ABI3BP: variants seen among roughly 807,000 people sequenced by gnomAD.
ABI3BP encodes the protein target of Nesh-SH3.
A neutral mutation model predicts 268.6 loss-of-function variants in ABI3BP; 216 were observed. The observed-to-expected ratio is 0.80, with a 90% CI of 0.72 to 0.90. The LOEUF (loss-of-function observed/expected upper bound fraction) is 0.90, where lower values mean the gene tolerates loss of function less well. Among genes scored for constraint, ABI3BP ranks in the 40% least tolerant of loss-of-function variants. The probability of loss-of-function intolerance (pLI) is 0.00; values close to 1 mark genes in which losing one functional copy is unlikely to be tolerated. For synonymous variants in ABI3BP, 730 were observed against 730.0 expected (o/e 1.00, Z 0.00); for missense variants, 2,090 against 2,182.4 (o/e 0.96, Z 0.84).
intron 1 of ABI3BP, among the ~76,000 whole-genome samples, chr3:100,941,368 T>C (rs1263689222): frequency 6.6e-6 from 1 of 152,060 alleles, no homozygotes; most frequent in Admixed American, 6.6e-5. Flanking sequence ...GCAATACCCA[T>C]AGATCCATAA....
chr3:100,887,021 T>G (rs2042294752), intron 4 of ABI3BP, among the ~76,000 whole-genome samples: 1 of 152,038 alleles, frequency 6.6e-6, no homozygotes, highest in Non-Finnish European at 1.5e-5. Flanking sequence ...TTACATATAT[T>G]ACCTGGTTTA....
chr3:100,824,594 G>C (rs2098330080), intron 36 of ABI3BP, among the ~76,000 whole-genome samples: 1 of 152,166 alleles, frequency 6.6e-6, no homozygotes, highest in Non-Finnish European at 1.5e-5. Context: ...GATGTGAATG[G>C]AATTTGACAG....
intron 1 of ABI3BP, among the ~76,000 whole-genome samples, chr3:100,954,040 G>A (rs1190607185): frequency 1.3e-5 from 2 of 152,094 alleles, no homozygotes; most frequent in South Asian, 2.1e-4. Context: ...ACACTAGTAC[G>A]TGTAACAAAG....
In ABI3BP at chr3:100,795,850, A is replaced by G; in HGVS notation, c.3819T>C (p.Val1273=). 1.6e-6 allele frequency: 2 copies of G among 1,286,604 alleles called. No individual in the cohort carries two copies. The highest frequency in any genetic ancestry group is 1.2e-5 in the South Asian group (1 of 80,508). The allele number at this position is 1,286,604 out of a possible 1,614,324, so 79.7% of individuals were successfully genotyped here. The part of the protein sequence containing the change: ...PYPEVSQSEP[V]LQPVTFRFEP... ...CAAATCTAAAGGTAACAGGCTGCAG[A>G]ACTATGCCAAAAGCAAGCCAAAGGA... is the stretch of plus-strand genomic sequence containing the variant. Residue 1273 remains valine, a splice_region_variant and synonymous_variant, in exon 53 of 68, where the codon GTT becomes GTC. Transcript: ENST00000471714.
intron 20 of ABI3BP, among the ~76,000 whole-genome samples, chr3:100,844,893 T>C (rs993153941): frequency 6.6e-6 from 1 of 152,310 alleles, no homozygotes; most frequent in Non-Finnish European, 1.5e-5. Context: ...AAGAAGTCTT[T>C]TTGCTCAAAC....
At chr3:100,806,337 C>A (rs73152444) in intron 50 of ABI3BP, among the ~76,000 whole-genome samples, 21,030 of 152,066 alleles carry the variant, frequency 0.14, 1,889 homozygotes, top group South Asian at 0.27. Context: ...ACAGGACACT[C>A]TCCTGTCCAA....
At chr3:100,805,533 T>C (rs1290017080) in intron 50 of ABI3BP, among the ~76,000 whole-genome samples, 3 of 152,106 alleles carry the variant, frequency 2.0e-5, no homozygotes, top group Non-Finnish European at 2.9e-5. Flanking sequence ...CAAAAATGCC[T>C]TTATAAAGTT....
Position 100,898,850 on chromosome 3 carries a change from G to C in ABI3BP, c.373C>G (p.Leu125Val). The C allele has an allele frequency of 6.2e-7, 1 of 1,613,544 alleles. No homozygotes were observed. Among genetic ancestry groups the C allele is most frequent in the Non-Finnish European group, 8.5e-7 (1 of 1,179,726 alleles). The change falls in exon 4 of 68, where the codon CTG becomes GTG. Residue 125 changes from leucine (L) to valine (V), a missense_variant. Leu to Val is a conservative substitution (Grantham distance 32). Coordinates refer to ENST00000471714, the MANE Select transcript of ABI3BP (RefSeq NM_001375547.2). ...GACAGGAAGACCGAGCTCGGTGTCAGAGTGCCAACCACCAGCTGCAGAGGT... is the reference window on the plus strand; with the variant it reads ...GACAGGAAGACCGAGCTCGGTGTCACAGTGCCAACCACCAGCTGCAGAGGT... ...RKPLQLVVGT[L>V]TPSSVFLSWG...
At chr3:100,843,750 A>G (rs2098736663) in intron 20 of ABI3BP, 48 of 981,934 alleles carry the variant, frequency 4.9e-5, no homozygotes, top group Non-Finnish European at 5.7e-5. Context: ...TACAATAAAT[A>G]TCAAATAAGC....
intron 16 of ABI3BP, among the ~76,000 whole-genome samples, chr3:100,850,401 C>T (rs62277064): frequency 0.034 from 5,129 of 152,160 alleles, 78 homozygotes; most frequent in Non-Finnish European, 0.046. Flanking sequence ...CAGGTGATGA[C>T]GTCCATGCAG....
intron 14 of ABI3BP, among the ~76,000 whole-genome samples, chr3:100,858,106 A>G (rs1240563912): frequency 6.6e-6 from 1 of 152,236 alleles, no homozygotes; most frequent in Admixed American, 6.5e-5. Context: ...TGTCACAAGC[A>G]GTTAAGTTCT....
At chr3:100,756,844 A>C (rs2095648114) in intron 63 of ABI3BP, among the ~76,000 whole-genome samples, 1 of 144,380 alleles carries the variant, frequency 6.9e-6, no homozygotes, top group African/African-American at 2.6e-5. Flanking sequence ...ATTTTGCACT[A>C]AATTTAATTA....
chr3:100,963,505 G>A (rs149742105), intron 1 of ABI3BP, among the ~76,000 whole-genome samples: 57 of 152,214 alleles, frequency 3.7e-4, no homozygotes, highest in Admixed American at 2.1e-3. Flanking sequence ...CAGCTACTAC[G>A]ATAGACTCTA....
rs1009721421 is a variant in ABI3BP at position 100,794,956 on chromosome 3, T to C, written c.3913A>G (p.Ser1305Gly). The change falls in exon 54 of 68, where the codon AGT (serine) becomes GGT (glycine). Residue 1305 changes from serine to glycine, a missense_variant. Ser to Gly is a moderately conservative substitution (Grantham distance 56). Coordinates refer to ENST00000471714, the MANE Select transcript of ABI3BP (RefSeq NM_001375547.2). Reference sequence around the variant, plus strand: ...GTCTGTAGTTCCTCTTGACTAGGACTTGGGGAAATCATGGGTATAAAAGGG... The same window carrying C: ...GTCTGTAGTTCCTCTTGACTAGGACCTGGGGAAATCATGGGTATAAAAGGG... ...GIPFIPMISP[S>G]PSQEELQTTL... 6.4e-7 allele frequency: 1 copy of C among 1,571,662 alleles called. No homozygotes were observed.
At position 100,902,700 on chromosome 3, in the gene ABI3BP, CATT is replaced by C; in HGVS notation, c.260-17_260-15del. ...TCGGCTCTGCATCTGGAAGCAATAACATTATTTATCAGAAAAACCCTTTGAGAA... is the reference window on the plus strand; with the variant it reads ...TCGGCTCTGCATCTGGAAGCAATAACATTTATCAGAAAAACCCTTTGAGAA... On this transcript the variant is annotated splice_polypyrimidine_tract_variant and intron_variant, in intron 2 of 67. Transcript: ENST00000471714. The C allele has an allele frequency of 6.2e-7, 1 of 1,612,012 alleles. No individual in the cohort carries two copies. The highest frequency in any genetic ancestry group is 1.1e-5 in the South Asian group (1 of 90,812).
At chr3:100,773,568 A>G (rs191653906) in intron 61 of ABI3BP, among the ~76,000 whole-genome samples, 165 of 152,340 alleles carry the variant, frequency 1.1e-3, no homozygotes, top group Admixed American at 1.9e-3. Context: ...ATAAACACTT[A>G]TATGTCATGT....
intron 1 of ABI3BP, among the ~76,000 whole-genome samples, chr3:100,977,381 G>A (rs2086780949): frequency 2.0e-5 from 3 of 152,200 alleles, no homozygotes; most frequent in African/African-American, 7.2e-5. Flanking sequence ...GAACTGGGCA[G>A]TCCTGGCTCA....
At chr3:100,951,323 C>A (rs1242024808) in intron 1 of ABI3BP, among the ~76,000 whole-genome samples, 2 of 151,870 alleles carry the variant, frequency 1.3e-5, no homozygotes, top group African/African-American at 4.9e-5. Flanking sequence ...TTCTCATTTT[C>A]CATGAAATTT....
intron 2 of ABI3BP, among the ~76,000 whole-genome samples, chr3:100,924,413 A>G (rs2061197844): frequency 6.6e-6 from 1 of 152,184 alleles, no homozygotes; most frequent in African/African-American, 2.4e-5. Context: ...GTTATTAAAA[A>G]TATTTTTTAT....
Sources: allele counts gnomAD v4.1 joint callset (sites outside exome capture counted in the v4.1 genomes callset), GRCh38; gene constraint gnomAD v4.1.1; transcripts MANE v1.5; gene names NCBI Gene and HGNC (gene_info 2026-07-23, HGNC 2026-07-21).